PTPN13: variants seen among roughly 807,000 people sequenced by gnomAD.
PTPN13 encodes protein tyrosine phosphatase non-receptor type 13.
In PTPN13, 191 loss-of-function variants were observed where a neutral mutation model predicts 284.0. The observed-to-expected ratio is 0.67, with a 90% confidence interval of 0.60 to 0.76. PTPN13 has a LOEUF of 0.76. Among genes scored for constraint, PTPN13 ranks in the 30% least tolerant of loss-of-function variants. The pLI, the probability that PTPN13 is intolerant of heterozygous loss-of-function variation, is 0.00. For missense variants in PTPN13, 2,797 were observed against 2,939.9 expected, an observed-to-expected ratio of 0.95 and a Z score of 1.12; for synonymous variants, 986 against 1,022.3, an observed-to-expected ratio of 0.96 and a Z score of 0.68.
intron 5 of PTPN13, among the ~76,000 whole-genome samples, chr4:86,690,717 A>AT (rs541854031): frequency 1.5e-3 from 222 of 151,930 alleles, no homozygotes; most frequent in African/African-American, 5.0e-3. Flanking sequence ...TGTGAGAGAT[A>AT]TTTTTTTCTG....
intron 6 of PTPN13, 100 bp from the exon 7 acceptor site, chr4:86,701,141 A>G: frequency 3.5e-6 from 3 of 853,634 alleles, no homozygotes; most frequent in Non-Finnish European, 5.3e-6. Context: ...CATTTGGAGC[A>G]TTTAGGAAAT....
intron 46 of PTPN13, among the ~76,000 whole-genome samples, 158 bp downstream of exon 46, chr4:86,810,142 A>G (rs2149391444): frequency 6.6e-6 from 1 of 152,334 alleles, no homozygotes; most frequent in East Asian, 1.9e-4. Flanking sequence ...GTATTTTTGT[A>G]AACATTGGTA....
chr4:86,814,683 G>GAACA lies in PTPN13; in HGVS notation c.*132_*133insAACA. On this transcript the variant is annotated 3_prime_UTR_variant, in exon 48 of 48. Coordinates refer to ENST00000411767, the MANE Select transcript of PTPN13 (RefSeq NM_080683.3). ...GCATGTTCTCCTCTATCTTAGAGGG[G>GAACA]TATTCTTCTTGAAAATAAAAAATAT... 1.7e-6 allele frequency: 1 copy of GAACA among 593,314 alleles called. No individual in the cohort carries two copies. Among genetic ancestry groups the GAACA allele is most frequent in the Non-Finnish European group, 2.9e-6 (1 of 340,556 alleles). 36.8% of individuals were successfully genotyped at this position (593,314 alleles called of 1,614,324 possible). A position where few individuals can be genotyped will look rare whatever the true frequency, so the allele number is the denominator to read the frequency against.
intron 41 of PTPN13, among the ~76,000 whole-genome samples, chr4:86,798,884 A>G (rs9995977): frequency 0.099 from 15,127 of 152,216 alleles, 863 homozygotes; most frequent in Non-Finnish European, 0.11. Context: ...AAAGTTCAAA[A>G]ACGGGATCTG....
At chr4:86,804,239 T>C (rs973277336) in intron 43 of PTPN13, among the ~76,000 whole-genome samples, 19 of 152,100 alleles carry the variant, frequency 1.2e-4, no homozygotes, top group African/African-American at 4.1e-4. Flanking sequence ...GCTCCAAGAA[T>C]GTGTGTCCTA....
At chr4:86,799,779 T>G (rs370491444) in intron 42 of PTPN13, among the ~76,000 whole-genome samples, 1 of 150,784 alleles carries the variant, frequency 6.6e-6, no homozygotes, top group African/African-American at 2.4e-5. Flanking sequence ...TAAGTGGAAA[T>G]ATGAAGTCAT....
At chr4:86,724,833 T>C (rs1280165312) in intron 10 of PTPN13, among the ~76,000 whole-genome samples, 2 of 152,056 alleles carry the variant, frequency 1.3e-5, no homozygotes, top group Non-Finnish European at 2.9e-5. Context: ...TTTTTATTAT[T>C]ATACTTTAAG....
At chr4:86,787,566 T>C (rs1013276642) in intron 40 of PTPN13, among the ~76,000 whole-genome samples, 2 of 150,434 alleles carry the variant, frequency 1.3e-5, no homozygotes, top group African/African-American at 4.9e-5. Context: ...CCCTCCAGCC[T>C]GGGCAACAAG....
chr4:86,683,596 C>A (rs1422586041), intron 3 of PTPN13, among the ~76,000 whole-genome samples: 1 of 152,194 alleles, frequency 6.6e-6, no homozygotes, highest in East Asian at 1.9e-4. Context: ...TTCACAGAAA[C>A]ACCCAGAATG....
intron 40 of PTPN13, among the ~76,000 whole-genome samples, chr4:86,792,743 C>T (rs190584505): frequency 6.6e-5 from 10 of 152,306 alleles, no homozygotes; most frequent in Admixed American, 3.9e-4. Context: ...CTCAGAATCT[C>T]ATATCCAGCC....
At position 86,805,306 on chromosome 4, in the gene PTPN13, C is replaced by G. The variant is rs577040226; in HGVS notation, c.6682C>G (p.Gln2228Glu). The G allele has an allele frequency of 6.3e-7, 1 of 1,598,070 alleles. No homozygotes were observed. The highest frequency in any genetic ancestry group is 8.6e-7 in the Non-Finnish European group (1 of 1,168,744). Residue 2228 changes from glutamine (Q) to glutamate (E), a missense_variant, in exon 44 of 48, where the codon CAG (glutamine) becomes GAG (glutamate). Transcript: ENST00000411767. ...ENLQELKPLD[Q>E]CLIGQTKENR... ...TCTTCAAGAATTAAAACCTTTGGATCAGTGTCTAATTGGGCAAACTAAGGA... is the reference window on the plus strand; with the variant it reads ...TCTTCAAGAATTAAAACCTTTGGATGAGTGTCTAATTGGGCAAACTAAGGA...
In PTPN13 at chr4:86,751,027, T is replaced by G; in HGVS notation, c.3069T>G (p.Asn1023Lys). ...ESLAGVTKLN[N>K]SKSVASLNRS... ...TCCTACCTTCCTTTTCCCTCTTCAG[T>G]TCAAAGTCTGTTGCGAGTTTAAATA... Residue 1023 changes from asparagine (N) to lysine (K), a missense_variant and splice_region_variant, in exon 19 of 48, where the codon AAT (asparagine) becomes AAG (lysine). Asn to Lys is a moderately conservative substitution (Grantham distance 94). Coordinates refer to ENST00000411767, the MANE Select transcript of PTPN13 (RefSeq NM_080683.3). 6.2e-7 allele frequency: 1 copy of G among 1,602,850 alleles called. No homozygotes were observed. The highest frequency in any genetic ancestry group is 2.2e-5 in the East Asian group (1 of 44,780).
chr4:86,664,677 G>A (rs1211647261), intron 2 of PTPN13, among the ~76,000 whole-genome samples: 1 of 152,154 alleles, frequency 6.6e-6, no homozygotes, highest in Admixed American at 6.5e-5. Context: ...GTAATTTTGG[G>A]AGATACAGTT....
chr4:86,734,808 A>T lies in PTPN13; in HGVS notation c.2084A>T (p.Asp695Val). Residue 695 changes from aspartate to valine, a missense_variant, in exon 14 of 48, where the codon GAT becomes GTT. Coordinates refer to ENST00000411767, the MANE Select transcript of PTPN13 (RefSeq NM_080683.3). ...KDILEERMHC[D>V]DETSLLLASL... Reference sequence around the variant, plus strand: ...ATTTTGGAGGAAAGGATGCACTGTGATGATGAGACTTCCTTATTGCTGGCA... The same window carrying T: ...ATTTTGGAGGAAAGGATGCACTGTGTTGATGAGACTTCCTTATTGCTGGCA... 6.2e-7 allele frequency: 1 copy of T among 1,613,504 alleles called. No homozygotes were observed. The highest frequency in any genetic ancestry group is 1.1e-5 in the South Asian group (1 of 91,006).
intron 35 of PTPN13, among the ~76,000 whole-genome samples, chr4:86,779,285 CG>C (rs1565558669): frequency 6.6e-6 from 1 of 151,836 alleles, no homozygotes; most frequent in Admixed American, 6.6e-5. Context: ...GGCGTGGTGG[CG>C]GGCGCCTGTA....
chr4:86,767,370 C>A (rs1156971264), intron 27 of PTPN13, among the ~76,000 whole-genome samples: 1 of 151,732 alleles, frequency 6.6e-6, no homozygotes, highest in Non-Finnish European at 1.5e-5. Flanking sequence ...CTCGGCCTGT[C>A]AAGTAGCTGG....
Position 86,650,147 on chromosome 4 carries a change from C to T in PTPN13, c.115+14776C>T, listed in dbSNP as rs189850578. Among the ~76,000 whole-genome samples, 17 of 151,554 alleles carry T rather than the reference C, an allele frequency of 1.1e-4. No homozygotes were observed. The East Asian group carries it at 2.0e-3, about 17-fold the overall frequency. On this transcript the variant is annotated intron_variant, in intron 2 of 47. Coordinates refer to ENST00000411767, the MANE Select transcript of PTPN13 (RefSeq NM_080683.3). ...GATTGCAGGTGCCCACCACCACACC[C>T]GGATAATTTTTGTGTTTTTAGTAGA...
intron 1 of PTPN13, among the ~76,000 whole-genome samples, chr4:86,602,873 T>A (rs1189344859): frequency 6.6e-6 from 1 of 151,992 alleles, no homozygotes; most frequent in African/African-American, 2.4e-5. Flanking sequence ...TTTATTTGTA[T>A]TTATTTGTAG....
At chr4:86,625,504 A>G (rs1721732154) in intron 1 of PTPN13, among the ~76,000 whole-genome samples, 2 of 152,158 alleles carry the variant, frequency 1.3e-5, no homozygotes. Flanking sequence ...AATATATATT[A>G]TAATCATTGA....
Sources: allele counts gnomAD v4.1 joint callset (sites outside exome capture counted in the v4.1 genomes callset), GRCh38; gene constraint gnomAD v4.1.1; transcripts MANE v1.5; gene names NCBI Gene and HGNC (gene_info 2026-07-23, HGNC 2026-07-21).